The following ADAM23 variants were observed in gnomAD, a reference collection of about 807,000 sequenced individuals.
The protein encoded by ADAM23 is ADAM metallopeptidase domain 23.
ADAM23 carries 33 observed loss-of-function variants against 120.1 expected under a neutral mutation model. The ratio of observed to expected loss-of-function variants is 0.27; its 90% CI spans 0.21 to 0.37. ADAM23 has a LOEUF of 0.37. Ranked by LOEUF, ADAM23 falls within the 10% of genes least tolerant of loss-of-function variation. The pLI is 1.00. For missense variants in ADAM23, 862 were observed against 1,058.2 expected (o/e 0.81, Z 2.57); for synonymous variants, 367 against 375.2 (o/e 0.98, Z 0.25).
intron 24 of ADAM23, 49 bp downstream of exon 24, chr2:206,596,211 C>A: frequency 2.9e-6 from 4 of 1,361,408 alleles, no homozygotes; most frequent in Non-Finnish European, 4.2e-6. Context: ...TTCGTTGACA[C>A]TGTTCCAATG....
chr2:206,560,094 A>G lies in ADAM23; in HGVS notation c.1145A>G (p.His382Arg). The G allele has an allele frequency of 1.2e-6, 2 of 1,614,056 alleles. No homozygotes were observed. The highest frequency in any genetic ancestry group is 1.7e-6 in the Non-Finnish European group (2 of 1,179,926). The change falls in exon 11 of 26, where the codon CAT becomes CGT. Residue 382 changes from histidine (H) to arginine (R), a missense_variant. His to Arg is a conservative substitution (Grantham distance 29). Transcript: ENST00000264377. ...FSKYRQRIKQ[H>R]ADAVHLISRV... Reference sequence around the variant, plus strand: ...AAATACCGGCAGCGCATTAAGCAGCATGCTGATGCTGTGCACCTCATCTCG... The same window carrying G: ...AAATACCGGCAGCGCATTAAGCAGCGTGCTGATGCTGTGCACCTCATCTCG...
intron 10 of ADAM23, 124 bp from the exon 11 acceptor site, chr2:206,559,831 G>A: frequency 5.4e-6 from 4 of 734,066 alleles, no homozygotes; most frequent in Non-Finnish European, 8.6e-6. Flanking sequence ...CTCTATAATG[G>A]GCTAATTATG....
chr2:206,525,065 G>A (rs116251891), intron 3 of ADAM23, among the ~76,000 whole-genome samples: 2 of 152,144 alleles, frequency 1.3e-5, no homozygotes, highest in African/African-American at 4.8e-5. Context: ...CCTGGTTTAT[G>A]TATGTCTGTT....
At position 206,515,168 on chromosome 2, in the gene ADAM23, T is replaced by C. The variant is rs114836618; in HGVS notation, c.510-15717T>C. Among the ~76,000 whole-genome samples, 139 of 152,274 alleles carry C rather than the reference T, an allele frequency of 9.1e-4. 1 individual carries two copies. The highest frequency in any genetic ancestry group is 2.8e-3 in the African/African-American group (116 of 41,572). ...CCTTCCTGTGTACAAACATCTCTTA[T>C]TACAGTAGGAGAATATGGGAGTCAG... On this transcript the variant is annotated intron_variant, in intron 3 of 25. Transcript: ENST00000264377.
At chr2:206,473,384 G>T (rs1047236947) in intron 2 of ADAM23, among the ~76,000 whole-genome samples, 2 of 151,968 alleles carry the variant, frequency 1.3e-5, no homozygotes, top group African/African-American at 4.8e-5. Flanking sequence ...TGCGCTTGTT[G>T]CCCTTACTCC....
At chr2:206,459,917 T>C (rs767409887) in intron 2 of ADAM23, among the ~76,000 whole-genome samples, 1 of 152,224 alleles carries the variant, frequency 6.6e-6, no homozygotes, top group African/African-American at 2.4e-5. Flanking sequence ...GCCAACCTGG[T>C]CTAACCCACT....
intron 3 of ADAM23, among the ~76,000 whole-genome samples, chr2:206,519,445 T>G (rs912837382): frequency 1.3e-5 from 2 of 152,154 alleles, no homozygotes; most frequent in African/African-American, 4.8e-5. Flanking sequence ...TTTTAAACAA[T>G]CGAAGTCCCA....
chr2:206,605,961 C>T (rs1698721405), intron 24 of ADAM23: 7 of 590,850 alleles, frequency 1.2e-5, no homozygotes, highest in Middle Eastern at 2.6e-4. Context: ...CTCCATGTCT[C>T]GTCCTGTTGA....
chr2:206,523,590 A>G (rs1029055586), intron 3 of ADAM23, among the ~76,000 whole-genome samples: 1 of 152,072 alleles, frequency 6.6e-6, no homozygotes, highest in Non-Finnish European at 1.5e-5. Flanking sequence ...AGCTGAAACA[A>G]CTTTTGGTAT....
At chr2:206,604,520 T>C (rs2105860258) in intron 24 of ADAM23, among the ~76,000 whole-genome samples, 1 of 152,112 alleles carries the variant, frequency 6.6e-6, no homozygotes, top group East Asian at 1.9e-4. Flanking sequence ...TTCAACACTC[T>C]CGGGGGACTT....
At chr2:206,511,777 A>C (rs950045341) in intron 3 of ADAM23, among the ~76,000 whole-genome samples, 1 of 152,124 alleles carries the variant, frequency 6.6e-6, no homozygotes, top group African/African-American at 2.4e-5. Context: ...TTCTGTAGGG[A>C]ATGTGTAGTA....
intron 15 of ADAM23, among the ~76,000 whole-genome samples, chr2:206,568,264 C>G (rs1269175686): frequency 2.0e-5 from 3 of 152,092 alleles, no homozygotes; most frequent in Admixed American, 2.0e-4. Context: ...TGGAGAGGGC[C>G]ACATTGTCAA....
chr2:206,590,011 C>T (rs1698396205), intron 21 of ADAM23, among the ~76,000 whole-genome samples: 1 of 151,980 alleles, frequency 6.6e-6, no homozygotes, highest in Non-Finnish European at 1.5e-5. Flanking sequence ...TTTTTTTTCC[C>T]TTCCAAAAAG....
At chr2:206,572,969 A>G (rs555100232) in intron 17 of ADAM23, 146 bp from the exon 18 acceptor site, 13 of 747,308 alleles carry the variant, frequency 1.7e-5, no homozygotes, top group South Asian at 9.7e-5. Context: ...CTATTCTGCA[A>G]TAGGATATTC....
chr2:206,473,738 A>C (rs1354597016), intron 2 of ADAM23, among the ~76,000 whole-genome samples: 1 of 151,912 alleles, frequency 6.6e-6, no homozygotes, highest in Non-Finnish European at 1.5e-5. Context: ...CAGGCATGGT[A>C]GCTCACACCT....
chr2:206,613,658 T>G (rs1698878639), intron 25 of ADAM23, among the ~76,000 whole-genome samples: 1 of 152,174 alleles, frequency 6.6e-6, no homozygotes, highest in South Asian at 2.1e-4. Flanking sequence ...CAACATTAAA[T>G]GATGATACTG....
chr2:206,548,496 C>G, intron 8 of ADAM23, 142 bp downstream of exon 8: 1 of 740,270 alleles, frequency 1.4e-6, no homozygotes, highest in Non-Finnish European at 2.1e-6. Context: ...AACAAAAAAC[C>G]CTATGATTTG....
At chr2:206,538,442 G>C (rs905167963) in intron 4 of ADAM23, among the ~76,000 whole-genome samples, 2 of 152,138 alleles carry the variant, frequency 1.3e-5, no homozygotes, top group Admixed American at 6.5e-5. Context: ...ATAATCATTT[G>C]AGTATAGTGT....
At chr2:206,542,267 G>A (rs1007227788) in intron 5 of ADAM23, 133 bp downstream of exon 5, 30 of 815,466 alleles carry the variant, frequency 3.7e-5, no homozygotes, top group Non-Finnish European at 5.7e-5. Context: ...CACAAGGAGG[G>A]CAATGTCCCT....
Sources: allele counts gnomAD v4.1 joint callset (sites outside exome capture counted in the v4.1 genomes callset), GRCh38; gene constraint gnomAD v4.1.1; transcripts MANE v1.5; gene names NCBI Gene and HGNC (gene_info 2026-07-23, HGNC 2026-07-21).